PAX3: variants seen among roughly 807,000 people sequenced by gnomAD.
PAX3 encodes the protein paired box protein Pax-3.
A neutral mutation model predicts 51.6 loss-of-function variants in PAX3; 14 were observed. The observed-to-expected ratio is 0.27, with a 90% CI of 0.18 to 0.42. PAX3 has a LOEUF of 0.42. PAX3 is among the 10% of genes least tolerant of loss of function. PAX3 has a pLI of 1.00. For synonymous variants in PAX3, 280 were observed against 253.4 expected (o/e 1.11, Z -1.00); for missense variants, 540 against 642.8 (o/e 0.84, Z 1.73).
chr2:222,261,755 C>A lies in PAX3; in HGVS notation c.587-29472G>T, dbSNP rs576002730. ...ACATTTGCAAATGCTTTTGAGAGGA[C>A]CCAAATGCTTACAACTATATAAATT... On this transcript the variant is annotated intron_variant, in intron 4 of 8. Coordinates refer to ENST00000392070, the MANE Select transcript of PAX3 (RefSeq NM_181458.4). 2.0e-5 allele frequency among the ~76,000 whole-genome samples: 3 copies of A among 152,222 alleles called. No individual in the cohort carries two copies. The South Asian group carries it at 6.2e-4, about 32-fold the overall frequency.
At chr2:222,285,246 G>C (rs1694792243) in intron 4 of PAX3, among the ~76,000 whole-genome samples, 1 of 152,120 alleles carries the variant, frequency 6.6e-6, no homozygotes, top group South Asian at 2.1e-4. Context: ...CATTACATTT[G>C]AATATTGGAA....
In PAX3 at chr2:222,200,176, T is replaced by C. The variant is rs2106030786; in HGVS notation, c.*1232A>G. The C allele has an allele frequency of 4.6e-6, 1 of 217,710 alleles. No homozygotes were observed. Among genetic ancestry groups the C allele is most frequent in the South Asian group, 1.8e-4 (1 of 5,428 alleles). The allele number at this position is 217,710 out of a possible 1,614,324, so 13.5% of individuals were successfully genotyped here. The stretch of plus-strand genomic sequence containing the variant: ...TAAATAACACTGCCTTCCACCTTCT[T>C]GTTCCTCTCAACATCTCAAAAAGCA... On this transcript the variant is annotated 3_prime_UTR_variant, in exon 9 of 9. Coordinates refer to ENST00000392070, the MANE Select transcript of PAX3 (RefSeq NM_181458.4).
chr2:222,298,485 G>A (rs1695427509), intron 1 of PAX3, 46 bp downstream of exon 1: 2 of 1,491,730 alleles, frequency 1.3e-6, no homozygotes, highest in African/African-American at 1.4e-5. Context: ...GAGGCAGCCG[G>A]TCCCAGGCCC....
In PAX3 at chr2:222,295,556, C is replaced by T. The variant is rs1330465954; in HGVS notation, c.423G>A (p.Ala141=). 1 of 1,614,198 alleles carries T rather than the reference C, an allele frequency of 6.2e-7. No homozygotes were observed. Among genetic ancestry groups the T allele is most frequent in the South Asian group, 1.1e-5 (1 of 91,080 alleles). The change falls in exon 3 of 9, where the codon GCG becomes GCA. Residue 141 remains alanine, a synonymous_variant. Transcript: ENST00000392070. ...ACGGCACGGTGTTTCGATCACAGAC[C>T]GCGTCCTTGAGTAATTTGTCTCGGA... ...WEIRDKLLKD[A]VCDRNTVPSV...
Position 222,298,817 on chromosome 2 carries a change from C to T in PAX3, c.-202G>A, listed in dbSNP as rs1236278410. On this transcript the variant is annotated 5_prime_UTR_variant, in exon 1 of 9. Coordinates refer to ENST00000392070, the MANE Select transcript of PAX3 (RefSeq NM_181458.4). The stretch of plus-strand genomic sequence containing the variant: ...AGCTGGAACCCGGGAAAGGGGAGGA[C>T]GGGGAGGCCCCGGAGTCCAGGATCC... The T allele has an allele frequency of 9.7e-6, 6 of 616,304 alleles. No individual in the cohort carries two copies. Among genetic ancestry groups the T allele is most frequent in the Non-Finnish European group, 1.2e-5 (4 of 343,724 alleles). The allele number at this position is 616,304 out of a possible 1,614,324, so 38.2% of individuals were successfully genotyped here. A position where few individuals can be genotyped will look rare whatever the true frequency, so the allele number is the denominator to read the frequency against.
At chr2:222,287,007 T>G (rs1694856203) in intron 4 of PAX3, among the ~76,000 whole-genome samples, 1 of 152,190 alleles carries the variant, frequency 6.6e-6, no homozygotes. Flanking sequence ...ATACATATTC[T>G]CTTCATTTTG....
At chr2:222,288,141 A>G (rs866446138) in intron 4 of PAX3, among the ~76,000 whole-genome samples, 4 of 152,352 alleles carry the variant, frequency 2.6e-5, no homozygotes, top group Non-Finnish European at 5.9e-5. Flanking sequence ...CAAACAAACA[A>G]AAGTCGGATA....
chr2:222,201,747 G>A, intron 8 of PAX3, 197 bp downstream of exon 8: 3 of 1,470,550 alleles, frequency 2.0e-6, no homozygotes, highest in Non-Finnish European at 2.7e-6. Flanking sequence ...ATAACCGCAA[G>A]ATGTTGTTGA....
intron 4 of PAX3, among the ~76,000 whole-genome samples, chr2:222,244,839 G>A (rs1247608897): frequency 6.6e-6 from 1 of 151,744 alleles, no homozygotes; most frequent in African/African-American, 2.4e-5. Context: ...CCCAGGACCT[G>A]TATCTGTACT....
intron 4 of PAX3, among the ~76,000 whole-genome samples, chr2:222,289,931 G>T (rs926119870): frequency 2.6e-5 from 4 of 152,166 alleles, no homozygotes; most frequent in African/African-American, 9.7e-5. Flanking sequence ...TCAAATTCGT[G>T]ATCCTAACAA....
chr2:222,254,808 A>C (rs936018433), intron 4 of PAX3, among the ~76,000 whole-genome samples: 1 of 152,076 alleles, frequency 6.6e-6, no homozygotes, highest in Non-Finnish European at 1.5e-5. Flanking sequence ...TCTGAGACTT[A>C]GTCTTGCTCT....
intron 2 of PAX3, among the ~76,000 whole-genome samples, chr2:222,296,036 G>A (rs529035890): frequency 1.9e-3 from 285 of 152,328 alleles, no homozygotes; most frequent in Middle Eastern, 6.8e-3. Context: ...TGAAAAAGGA[G>A]CTGAAAAATC....
intron 5 of PAX3, among the ~76,000 whole-genome samples, chr2:222,227,872 A>T (rs558886808): frequency 1.3e-5 from 2 of 152,330 alleles, no homozygotes; most frequent in East Asian, 3.9e-4. Flanking sequence ...AAACACTGAC[A>T]GAGGCTAAAG....
chr2:222,267,459 A>G (rs1351268034), intron 4 of PAX3, among the ~76,000 whole-genome samples: 1 of 152,206 alleles, frequency 6.6e-6, no homozygotes, highest in African/African-American at 2.4e-5. Flanking sequence ...TTTTTAAATA[A>G]AACACTTTTT....
chr2:222,216,076 A>G (rs1281074280), intron 7 of PAX3, among the ~76,000 whole-genome samples: 4 of 152,136 alleles, frequency 2.6e-5, no homozygotes, highest in Non-Finnish European at 5.9e-5. Context: ...CAAGCCCACC[A>G]TTTGTGAAGC....
intron 4 of PAX3, among the ~76,000 whole-genome samples, chr2:222,265,691 G>GAAGGAAGGAAGGAAGGAAGGGAGA (rs1553583540): frequency 7.0e-6 from 1 of 142,134 alleles, no homozygotes; most frequent in African/African-American, 2.5e-5. Flanking sequence ...AGGAAGGAAG[G>GAAGGAAGGAAGGAAGGAAGGGAGA]GAGAAAGATT....
chr2:222,253,348 T>G (rs1453145784), intron 4 of PAX3, among the ~76,000 whole-genome samples: 2 of 152,228 alleles, frequency 1.3e-5, no homozygotes, highest in Admixed American at 1.3e-4. Context: ...TGTTGAGGTA[T>G]GAAATGCATA....
At position 222,298,750 on chromosome 2, in the gene PAX3, G is replaced by A. The variant is rs1695448772; in HGVS notation, c.-135C>T. 2.4e-6 allele frequency: 2 copies of A among 837,728 alleles called. No individual in the cohort carries two copies. The highest frequency in any genetic ancestry group is 4.1e-5 in the Admixed American group (2 of 48,982). 51.9% of individuals were successfully genotyped at this position (837,728 alleles called of 1,614,324 possible). On this transcript the variant is annotated 5_prime_UTR_variant, in exon 1 of 9. Coordinates refer to ENST00000392070, the MANE Select transcript of PAX3 (RefSeq NM_181458.4). ...CAAAACGGCTGGAGAGAGAGGGAGG[G>A]ACGCGGGGAGGGGGGCTGTCGGTTC...
At chr2:222,265,907 A>G (rs1207810049) in intron 4 of PAX3, among the ~76,000 whole-genome samples, 1 of 152,318 alleles carries the variant, frequency 6.6e-6, no homozygotes, top group African/African-American at 2.4e-5. Flanking sequence ...AAAATGACCA[A>G]ACTCCTACAT....
Sources: gnomAD v4.1 joint callset for allele counts (sites outside exome capture counted in the v4.1 genomes callset) on GRCh38, gnomAD v4.1.1 for gene constraint, MANE v1.5 for transcripts, NCBI Gene and HGNC (gene_info 2026-07-23, HGNC 2026-07-21) for gene names.